NPSR1: variants seen among roughly 807,000 people sequenced by gnomAD.
The protein encoded by NPSR1 is neuropeptide S receptor 1.
In NPSR1, 48 loss-of-function variants were observed where a neutral mutation model predicts 46.9. The observed-to-expected ratio is 1.02, with a 90% CI of 0.81 to 1.30. The LOEUF is 1.30. Ranked by LOEUF, NPSR1 falls within the 50% of genes most tolerant of loss-of-function variation. The pLI is 0.00. For missense variants in NPSR1, 450 were observed against 449.5 expected, an observed-to-expected ratio of 1.00 and a Z score of -0.01; for synonymous variants, 176 against 168.1, an observed-to-expected ratio of 1.05 and a Z score of -0.36.
At position 34,695,221 on chromosome 7, in the gene NPSR1, A is replaced by G. The variant is rs1280011685; in HGVS notation, c.280+10537A>G. Among the ~76,000 whole-genome samples, 6 of 152,316 alleles carry G rather than the reference A, an allele frequency of 3.9e-5. No individual in the cohort carries two copies. The East Asian group carries it at 9.6e-4, about 24-fold the overall frequency. ...GACAAAAATAAACAATATGGAAAGG[A>G]CACCTTATTCAATAAATGGTGCTGG... On this transcript the variant is annotated intron_variant, in intron 2 of 8. Transcript: ENST00000360581.
chr7:34,836,005 C>A (rs973824602), intron 6 of NPSR1, among the ~76,000 whole-genome samples: 14 of 152,174 alleles, frequency 9.2e-5, no homozygotes, highest in African/African-American at 3.1e-4. Context: ...GACACAGAGT[C>A]ATAGGTGGCT....
intron 1 of NPSR1, among the ~76,000 whole-genome samples, chr7:34,664,868 G>T (rs915898213): frequency 1.3e-5 from 2 of 152,188 alleles, no homozygotes; most frequent in African/African-American, 4.8e-5. Flanking sequence ...TCATGAGGAA[G>T]TTGTAAGGAA....
At chr7:34,743,006 T>A (rs1785024764) in intron 2 of NPSR1, among the ~76,000 whole-genome samples, 1 of 152,234 alleles carries the variant, frequency 6.6e-6, no homozygotes, top group Admixed American at 6.5e-5. Context: ...GGGGTTGTTT[T>A]TCTCTTGTAA....
intron 1 of NPSR1, among the ~76,000 whole-genome samples, chr7:34,662,998 C>T (rs1255199249): frequency 1.3e-5 from 2 of 149,680 alleles, no homozygotes; most frequent in South Asian, 2.1e-4. Flanking sequence ...TTTCTGGCTT[C>T]GGGAAGGCAT....
chr7:34,669,620 C>T (rs1791940224), intron 1 of NPSR1, among the ~76,000 whole-genome samples: 1 of 151,914 alleles, frequency 6.6e-6, no homozygotes, highest in Non-Finnish European at 1.5e-5. Context: ...CTTTAATATG[C>T]ATTTTCCAAG....
intron 1 of NPSR1, among the ~76,000 whole-genome samples, chr7:34,659,714 CA>C (rs1433323652): frequency 2.0e-5 from 3 of 152,200 alleles, no homozygotes; most frequent in African/African-American, 7.2e-5. Flanking sequence ...TGCACATACG[CA>C]GCCCAGCTGC....
chr7:34,736,023 A>G (rs1784651188), intron 2 of NPSR1, among the ~76,000 whole-genome samples: 1 of 152,234 alleles, frequency 6.6e-6, no homozygotes, highest in Admixed American at 6.5e-5. Context: ...GGATCATTTA[A>G]TAATGTAAAT....
chr7:34,665,343 G>A (rs1212340974), intron 1 of NPSR1, among the ~76,000 whole-genome samples: 1 of 152,182 alleles, frequency 6.6e-6, no homozygotes, highest in African/African-American at 2.4e-5. Context: ...GGCCTGAAAT[G>A]ACACATGACT....
At chr7:34,845,796 A>G (rs1339655299) in intron 7 of NPSR1, among the ~76,000 whole-genome samples, 5 of 152,202 alleles carry the variant, frequency 3.3e-5, no homozygotes, top group African/African-American at 1.2e-4. Context: ...ACACTGCTCA[A>G]TTAACATTTG....
At chr7:34,782,448 A>G (rs1787271045) in intron 3 of NPSR1, among the ~76,000 whole-genome samples, 1 of 152,110 alleles carries the variant, frequency 6.6e-6, no homozygotes, top group Non-Finnish European at 1.5e-5. Flanking sequence ...GCTACTGCCA[A>G]TATCCACTGC....
At chr7:34,860,830 G>A (rs1298800250) in intron 8 of NPSR1, among the ~76,000 whole-genome samples, 6 of 151,700 alleles carry the variant, frequency 4.0e-5, no homozygotes. Flanking sequence ...TCTCAGACTT[G>A]GCCCCTCCTT....
intron 2 of NPSR1, among the ~76,000 whole-genome samples, chr7:34,711,835 G>A (rs1783304180): frequency 6.6e-6 from 1 of 152,198 alleles, no homozygotes; most frequent in Admixed American, 6.5e-5. Flanking sequence ...CCCTGTAAGT[G>A]GTGGAAAAGG....
At chr7:34,824,939 T>A (rs936806756) in intron 4 of NPSR1, among the ~76,000 whole-genome samples, 1 of 152,074 alleles carries the variant, frequency 6.6e-6, no homozygotes, top group Admixed American at 6.6e-5. Flanking sequence ...TTTCTTAATC[T>A]GAACTCCCAC....
In NPSR1 at chr7:34,802,054, T is replaced by G. The variant is rs537691071; in HGVS notation, c.385-9716T>G. 8.2e-3 allele frequency among the ~76,000 whole-genome samples: 1,222 copies of G among 149,164 alleles called. 110 individuals are homozygous for G. The highest frequency in any genetic ancestry group is 0.029 in the African/African-American group (1,134 of 38,708). On this transcript the variant is annotated intron_variant, in intron 3 of 8. Coordinates refer to ENST00000360581, the MANE Select transcript of NPSR1 (RefSeq NM_207172.2). ...AGGAGAACTACAAACCACTGCTCAA[T>G]GAAATAAAAGAGGATACAAAGAAAT... is the stretch of plus-strand genomic sequence containing the variant.
chr7:34,792,500 AACAC>A (rs373159147), intron 3 of NPSR1, among the ~76,000 whole-genome samples: 4 of 143,186 alleles, frequency 2.8e-5, no homozygotes, highest in Admixed American at 7.2e-5. Context: ...TCTCTACAAA[AACAC>A]ACACACACAC....
intron 1 of NPSR1, among the ~76,000 whole-genome samples, chr7:34,679,266 T>C (rs1008549133): frequency 1.3e-5 from 2 of 152,166 alleles, no homozygotes; most frequent in Non-Finnish European, 2.9e-5. Context: ...AATGAATCAG[T>C]GTCATTATTA....
chr7:34,783,587 A>G (rs1006235455), intron 3 of NPSR1, among the ~76,000 whole-genome samples: 11 of 152,168 alleles, frequency 7.2e-5, no homozygotes, highest in African/African-American at 2.7e-4. Context: ...AAAAATATAG[A>G]TTATTTAAAG....
chr7:34,743,237 C>G (rs1029481158), intron 2 of NPSR1, among the ~76,000 whole-genome samples: 3 of 152,088 alleles, frequency 2.0e-5, no homozygotes, highest in Admixed American at 6.6e-5. Flanking sequence ...CCTGTATCCA[C>G]GATGGTATTA....
At chr7:34,777,401 T>TC (rs920564162) in intron 2 of NPSR1, among the ~76,000 whole-genome samples, 3 of 152,018 alleles carry the variant, frequency 2.0e-5, no homozygotes, top group Non-Finnish European at 4.4e-5. Flanking sequence ...TGTGCTTTTC[T>TC]CCCCTGGCAC....
Sources: gnomAD v4.1 joint callset for allele counts (sites outside exome capture counted in the v4.1 genomes callset) on GRCh38, gnomAD v4.1.1 for gene constraint, MANE v1.5 for transcripts, NCBI Gene and HGNC (gene_info 2026-07-23, HGNC 2026-07-21) for gene names.